BRDT: variants seen among roughly 807,000 people sequenced by gnomAD.
BRDT encodes bromodomain testis-specific protein.
A neutral mutation model predicts 113.9 loss-of-function variants in BRDT; 77 were observed. The ratio of observed to expected loss-of-function variants is 0.68; its 90% CI spans 0.56 to 0.82. The LOEUF is 0.82. Ranked by LOEUF, BRDT falls within the 40% of genes least tolerant of loss-of-function variation. The probability of loss-of-function intolerance (pLI) is 0.00; values close to 1 mark genes in which losing one functional copy is unlikely to be tolerated. For missense variants in BRDT, 1,027 were observed against 1,105.4 expected (o/e 0.93, Z 1.01); for synonymous variants, 358 against 366.5 (o/e 0.98, Z 0.26).
intron 4 of BRDT, among the ~76,000 whole-genome samples, chr1:91,969,961 T>A (rs1335160358): frequency 1.3e-5 from 2 of 151,896 alleles, no homozygotes; most frequent in Non-Finnish European, 2.9e-5. Flanking sequence ...CCTGAGTAGC[T>A]GGGATTACAG....
intron 2 of BRDT, among the ~76,000 whole-genome samples, chr1:91,963,385 T>C (rs561409127): frequency 1.0e-3 from 159 of 152,274 alleles, no homozygotes; most frequent in Non-Finnish European, 1.8e-3. Context: ...CCAATGAGTA[T>C]TTTTTTCCAA....
At chr1:91,974,143 A>G (rs994108370) in intron 4 of BRDT, among the ~76,000 whole-genome samples, 5 of 152,220 alleles carry the variant, frequency 3.3e-5, no homozygotes, top group African/African-American at 1.2e-4. Flanking sequence ...TTCAAGATGG[A>G]TTAAAGACTT....
intron 12 of BRDT, among the ~76,000 whole-genome samples, chr1:91,987,368 CTG>C (rs1685345692): frequency 6.6e-6 from 1 of 152,162 alleles, no homozygotes; most frequent in African/African-American, 2.4e-5. Flanking sequence ...GAATCTCACT[CTG>C]TTGCCCAGGC....
At position 91,976,986 on chromosome 1, in the gene BRDT, A is replaced by G. The variant is rs1336586655; in HGVS notation, c.619-57A>G. The G allele has an allele frequency of 1.9e-5, 26 of 1,352,786 alleles. No individual in the cohort carries two copies. The East Asian group carries it at 3.4e-4, about 18-fold the overall frequency. 83.8% of individuals were successfully genotyped at this position (1,352,786 alleles called of 1,614,324 possible). A position where few individuals can be genotyped will look rare whatever the true frequency, so the allele number is the denominator to read the frequency against. Reference sequence around the variant, plus strand: ...CTTTTTTTCTTTTAACTGATAAGGAACTATGCTCTGAATATCATCTCAAAT... The same window carrying G: ...CTTTTTTTCTTTTAACTGATAAGGAGCTATGCTCTGAATATCATCTCAAAT... On this transcript the variant is annotated intron_variant, in intron 5 of 18. Transcript: ENST00000399546.
intron 3 of BRDT, 135 bp downstream of exon 3, chr1:91,964,899 GTGTGTA>G: frequency 2.2e-6 from 1 of 462,814 alleles, no homozygotes; most frequent in Non-Finnish European, 3.4e-6. Context: ...GTGTGTGTGT[GTGTGTA>G]TATAATTTTT....
intron 14 of BRDT, 140 bp from the exon 15 acceptor site, chr1:91,993,943 A>G: frequency 2.8e-6 from 2 of 715,732 alleles, no homozygotes; most frequent in Non-Finnish European, 4.3e-6. Context: ...ACTATACATT[A>G]TAGATTTGTG....
intron 2 of BRDT, among the ~76,000 whole-genome samples, chr1:91,964,058 G>T (rs913792664): frequency 3.2e-4 from 48 of 150,392 alleles, no homozygotes; most frequent in African/African-American, 1.1e-3. Context: ...GTTTTTTTTT[G>T]TTGTTGTTGT....
At position 91,952,307 on chromosome 1, in the gene BRDT, A is replaced by G. The variant is rs905394430; in HGVS notation, c.-38+2625A>G. The G allele has an allele frequency of 3.9e-5, 6 of 152,126 alleles. No homozygotes were observed. The East Asian group carries it at 5.8e-4, about 15-fold the overall frequency. 9.4% of individuals were successfully genotyped at this position (152,126 alleles called of 1,614,324 possible). ...GGGAGTTTTAGAGGAATGTTGGGGGAAAAGCCAAGTGTGATGTAGGCTGTA... is the reference window on the plus strand; with the variant it reads ...GGGAGTTTTAGAGGAATGTTGGGGGGAAAGCCAAGTGTGATGTAGGCTGTA... On this transcript the variant is annotated intron_variant, in intron 1 of 18. Transcript: ENST00000399546.
intron 7 of BRDT, among the ~76,000 whole-genome samples, chr1:91,978,835 C>A (rs1684406557): frequency 6.6e-6 from 1 of 151,632 alleles, no homozygotes; most frequent in African/African-American, 2.4e-5. Context: ...CCCGTCTCTA[C>A]TAAAAAATAC....
chr1:91,968,205 A>G lies in BRDT; in HGVS notation c.390A>G (p.Leu130=), dbSNP rs139011380. Residue 130 remains leucine (L), a synonymous_variant, in exon 4 of 19, where the codon TTA becomes TTG. Transcript: ENST00000399546. ...QALEKLFMQK[L]SQMPQEEQVV... ...TAGAGAAGCTGTTTATGCAGAAATT[A>G]TCTCAGATGCCACAAGAAGAGCAAG... The G allele has an allele frequency of 6.1e-5, 98 of 1,614,100 alleles. No individual in the cohort carries two copies. The African/African-American group carries it at 1.3e-3, about 21-fold the overall frequency.
intron 12 of BRDT, among the ~76,000 whole-genome samples, chr1:91,989,394 T>A (rs1685567538): frequency 6.6e-6 from 1 of 152,184 alleles, no homozygotes; most frequent in Admixed American, 6.5e-5. Flanking sequence ...AGCTTCTGGC[T>A]CTGTCACCCA....
At chr1:91,954,564 G>A (rs1681518543) in intron 1 of BRDT, among the ~76,000 whole-genome samples, 1 of 152,120 alleles carries the variant, frequency 6.6e-6, no homozygotes, top group South Asian at 2.1e-4. Flanking sequence ...ACAGACATGA[G>A]CCACCGTGTA....
At chr1:91,990,407 T>A (rs1439475286) in intron 12 of BRDT, among the ~76,000 whole-genome samples, 1 of 152,236 alleles carries the variant, frequency 6.6e-6, no homozygotes, top group Non-Finnish European at 1.5e-5. Context: ...CTGTATCCTC[T>A]CAGATAAATG....
At chr1:91,957,185 A>G (rs1486828201) in intron 1 of BRDT, among the ~76,000 whole-genome samples, 1 of 152,100 alleles carries the variant, frequency 6.6e-6, no homozygotes, top group African/African-American at 2.4e-5. Context: ...GAGGATTTGT[A>G]TGTGTGTTTT....
intron 1 of BRDT, among the ~76,000 whole-genome samples, chr1:91,954,637 A>G (rs1681527703): frequency 6.6e-6 from 1 of 152,166 alleles, no homozygotes; most frequent in Admixed American, 6.5e-5. Flanking sequence ...AAATAACAAA[A>G]TGACAACTCA....
intron 11 of BRDT, 55 bp from the exon 12 acceptor site, chr1:91,981,563 G>A: frequency 6.3e-7 from 1 of 1,596,702 alleles, no homozygotes; most frequent in Non-Finnish European, 8.5e-7. Context: ...GTTTTTAAAT[G>A]TTCCTGCAAC....
chr1:91,993,455 ACT>A (rs1220212582), intron 14 of BRDT, among the ~76,000 whole-genome samples: 13 of 152,112 alleles, frequency 8.5e-5, no homozygotes, highest in Admixed American at 8.5e-4. Context: ...ATTATACCTA[ACT>A]CAGCATTATT....
Position 91,949,502 on chromosome 1 carries a change from T to C in BRDT, c.-218T>C, listed in dbSNP as rs1317533991. 1 of 152,232 alleles carries C rather than the reference T, an allele frequency of 6.6e-6. No individual in the cohort carries two copies. Among genetic ancestry groups the C allele is most frequent in the Non-Finnish European group, 1.5e-5 (1 of 68,046 alleles). The allele number at this position is 152,232 out of a possible 1,614,324, so 9.4% of individuals were successfully genotyped here. ...CAATCACATAAGGTCGGTTTTGTAA[T>C]ATACAGGTAACATACAGGTAATGTA... On this transcript the variant is annotated 5_prime_UTR_variant, in exon 1 of 19. Coordinates refer to ENST00000399546, the MANE Select transcript of BRDT (RefSeq NM_207189.4).
At chr1:91,982,437 C>T (rs1352211259) in intron 12 of BRDT, among the ~76,000 whole-genome samples, 1 of 152,162 alleles carries the variant, frequency 6.6e-6, no homozygotes, top group East Asian at 1.9e-4. Context: ...AATCACTACC[C>T]CAAGAATACT....
Sources: gnomAD v4.1 joint callset for allele counts (sites outside exome capture counted in the v4.1 genomes callset) on GRCh38, gnomAD v4.1.1 for gene constraint, MANE v1.5 for transcripts, NCBI Gene and HGNC (gene_info 2026-07-23, HGNC 2026-07-21) for gene names.